Variants in DCDC1 observed in about 807,000 individuals in gnomAD.
DCDC1 encodes the protein doublecortin domain containing 1, also known as doublecortin domain-containing protein 1.
In DCDC1, 200 loss-of-function variants were observed where a neutral mutation model predicts 178.3. That is an observed-to-expected ratio of 1.12 (90% confidence interval 1.00 to 1.26). The LOEUF (loss-of-function observed/expected upper bound fraction) is 1.26. Among genes scored for constraint, DCDC1 ranks in the 50% most tolerant of loss-of-function variants. The pLI is 0.00. For missense variants in DCDC1, 1,983 were observed against 1,749.2 expected, an observed-to-expected ratio of 1.13 and a Z score of -2.38; for synonymous variants, 690 against 604.8, an observed-to-expected ratio of 1.14 and a Z score of -2.07.
In DCDC1 at chr11:31,223,579, G is replaced by A. The variant is rs569344770; in HGVS notation, c.1221+17871C>T. The stretch of plus-strand genomic sequence containing the variant: ...ATTTGTAGGAGCATTGTTTGTTACA[G>A]TAAAATTTGGAAAGACACTAAATGT... On this transcript the variant is annotated intron_variant, in intron 9 of 38. Coordinates refer to ENST00000684477, the MANE Select transcript of DCDC1 (RefSeq NM_001387274.1). 7.9e-5 allele frequency among the ~76,000 whole-genome samples: 12 copies of A among 152,246 alleles called. No individual in the cohort carries two copies. In the South Asian group the frequency reaches 1.7e-3, roughly 21 times the overall value.
intron 9 of DCDC1, among the ~76,000 whole-genome samples, chr11:31,147,960 T>C (rs1255236767): frequency 6.6e-6 from 1 of 152,120 alleles, no homozygotes; most frequent in Non-Finnish European, 1.5e-5. Context: ...GAGAGGCTGA[T>C]TGGCCTGGCT....
At chr11:31,145,656 G>C (rs208104) in intron 9 of DCDC1, among the ~76,000 whole-genome samples, 1 of 151,968 alleles carries the variant, frequency 6.6e-6, no homozygotes, top group Non-Finnish European at 1.5e-5. Flanking sequence ...AAAAGTATGC[G>C]GGACTGGCCT....
chr11:30,908,414 A>T (rs918976762), intron 29 of DCDC1, among the ~76,000 whole-genome samples: 2 of 152,110 alleles, frequency 1.3e-5, no homozygotes, highest in African/African-American at 4.8e-5. Context: ...TTGAATCTTG[A>T]CACAAACCAA....
At chr11:30,933,356 A>T (rs570447793) in intron 21 of DCDC1, among the ~76,000 whole-genome samples, 97 of 152,092 alleles carry the variant, frequency 6.4e-4, no homozygotes, top group African/African-American at 2.0e-3. Context: ...ATATTTTGTT[A>T]ATATTTTTTC....
intron 1 of DCDC1, among the ~76,000 whole-genome samples, chr11:31,348,914 TACA>T (rs1292403899): frequency 1.3e-5 from 2 of 152,244 alleles, no homozygotes; most frequent in Non-Finnish European, 2.9e-5. Flanking sequence ...AAATTAATTT[TACA>T]ACAACTAAAA....
chr11:31,020,948 G>A (rs987076592), intron 20 of DCDC1, among the ~76,000 whole-genome samples: 4 of 152,078 alleles, frequency 2.6e-5, no homozygotes, highest in Non-Finnish European at 5.9e-5. Flanking sequence ...AGAAAAATGG[G>A]TAAAGATATT....
intron 20 of DCDC1, among the ~76,000 whole-genome samples, chr11:31,008,171 G>C (rs903789783): frequency 5.3e-5 from 8 of 152,222 alleles, no homozygotes; most frequent in Admixed American, 2.6e-4. Flanking sequence ...TCAGGGGATA[G>C]GGAGGGGGGA....
rs1041275545 is a variant in DCDC1, at chr11:30,924,577, A to T, written c.2997+732T>A. On this transcript the variant is annotated intron_variant, in intron 23 of 38. Transcript: ENST00000684477. ...CCAGTCACCAAATAGAGTGTATGAA[A>T]AAAGTAGACATAATTTTGTCCTGAA... Among the ~76,000 whole-genome samples the T allele has an allele frequency of 3.3e-5, 5 of 152,188 alleles. No homozygotes were observed. In the East Asian group the frequency reaches 9.6e-4, roughly 29 times the overall value.
intron 20 of DCDC1, among the ~76,000 whole-genome samples, chr11:31,031,387 G>GC (rs1484575881): frequency 6.6e-6 from 1 of 152,028 alleles, no homozygotes; most frequent in Non-Finnish European, 1.5e-5. Flanking sequence ...AGATCAAAGA[G>GC]CTATGTATGT....
intron 20 of DCDC1, among the ~76,000 whole-genome samples, chr11:30,973,118 A>T (rs2134705206): frequency 6.6e-6 from 1 of 151,906 alleles, no homozygotes; most frequent in Non-Finnish European, 1.5e-5. Context: ...CTAAAAATAC[A>T]AAATTTAGCC....
intron 35 of DCDC1, 66 bp from the exon 36 acceptor site, chr11:30,893,063 T>C: frequency 1.3e-6 from 2 of 1,548,230 alleles, no homozygotes; most frequent in Middle Eastern, 1.8e-4. Context: ...GTGAAGAATG[T>C]GATAAAATCC....
intron 20 of DCDC1, among the ~76,000 whole-genome samples, chr11:31,031,766 A>C (rs915655369): frequency 2.6e-5 from 4 of 152,132 alleles, no homozygotes; most frequent in Non-Finnish European, 5.9e-5. Context: ...TCTCTCAAAT[A>C]AGCATTGAAC....
chr11:31,051,180 C>T (rs560061426), intron 20 of DCDC1, among the ~76,000 whole-genome samples: 20 of 152,136 alleles, frequency 1.3e-4, no homozygotes, highest in African/African-American at 4.8e-4. Context: ...ATGTGAAATG[C>T]TCTGGAAAGT....
At chr11:30,934,679 T>A (rs1183640963) in intron 21 of DCDC1, among the ~76,000 whole-genome samples, 1 of 152,168 alleles carries the variant, frequency 6.6e-6, no homozygotes, top group African/African-American at 2.4e-5. Flanking sequence ...TATCCTGGCA[T>A]AGAGCCAACA....
chr11:30,941,671 C>T (rs900933549), intron 21 of DCDC1, among the ~76,000 whole-genome samples: 5 of 152,082 alleles, frequency 3.3e-5, no homozygotes, highest in Admixed American at 3.3e-4. Context: ...GGACAACATA[C>T]ATTATTATAT....
At chr11:31,332,957 A>T (rs1018900874) in intron 2 of DCDC1, among the ~76,000 whole-genome samples, 2 of 152,126 alleles carry the variant, frequency 1.3e-5, no homozygotes, top group African/African-American at 2.4e-5. Context: ...TGTCTCATTG[A>T]TCTGTCTAAT....
chr11:31,186,277 C>T (rs1181856368), intron 9 of DCDC1, among the ~76,000 whole-genome samples: 1 of 152,188 alleles, frequency 6.6e-6, no homozygotes, highest in Non-Finnish European at 1.5e-5. Context: ...ACTCTCCTTA[C>T]TCATTTTATC....
intron 24 of DCDC1, 61 bp from the exon 25 acceptor site, chr11:30,920,996 T>G: frequency 6.6e-7 from 1 of 1,509,366 alleles, no homozygotes; most frequent in Non-Finnish European, 8.9e-7. Flanking sequence ...CATCAGGAAT[T>G]TAAAAACACA....
chr11:31,182,204 C>A (rs1007713465), intron 9 of DCDC1, among the ~76,000 whole-genome samples: 1 of 152,162 alleles, frequency 6.6e-6, no homozygotes, highest in Non-Finnish European at 1.5e-5. Flanking sequence ...CCCAACCTAG[C>A]AAGACAGGCC....
Sources: gnomAD v4.1 joint callset for allele counts (sites outside exome capture counted in the v4.1 genomes callset) on GRCh38, gnomAD v4.1.1 for gene constraint, MANE v1.5 for transcripts, NCBI Gene and HGNC (gene_info 2026-07-23, HGNC 2026-07-21) for gene names.